SYTL3: variants seen among roughly 807,000 people sequenced by gnomAD.
The protein encoded by SYTL3 is synaptotagmin like 3.
Under a neutral mutation model 82.1 loss-of-function variants are expected in SYTL3, and 88 were observed. The ratio of observed to expected loss-of-function variants is 1.07; its 90% CI spans 0.90 to 1.28. The LOEUF (loss-of-function observed/expected upper bound fraction) is 1.28, where lower values mean the gene tolerates loss of function less well. Ranked by LOEUF, SYTL3 falls within the 50% of genes most tolerant of loss-of-function variation. SYTL3 has a pLI of 0.00. For missense variants in SYTL3, 831 were observed against 757.6 expected, an observed-to-expected ratio of 1.10 and a Z score of -1.14; for synonymous variants, 311 against 289.4, an observed-to-expected ratio of 1.07 and a Z score of -0.76.
At chr6:158,672,689 T>G (rs1777538293) in intron 5 of SYTL3, among the ~76,000 whole-genome samples, 1 of 151,938 alleles carries the variant, frequency 6.6e-6, no homozygotes, top group African/African-American at 2.4e-5. Flanking sequence ...TGGAGTGCAG[T>G]GGCACGATAT....
At chr6:158,733,067 TTAAAAAC>T (rs143259225) in intron 11 of SYTL3, among the ~76,000 whole-genome samples, 4,461 of 152,198 alleles carry the variant, frequency 0.029, 83 homozygotes, top group Middle Eastern at 0.065. Flanking sequence ...ATAATTTCTT[TTAAAAAC>T]TAACTTCCTT....
At chr6:158,689,816 G>A (rs1309366641) in intron 6 of SYTL3, among the ~76,000 whole-genome samples, 4 of 152,018 alleles carry the variant, frequency 2.6e-5, no homozygotes, top group Non-Finnish European at 5.9e-5. Flanking sequence ...ACCATGCTCA[G>A]CTGATTTTTG....
chr6:158,746,751 A>T (rs1289796709), intron 12 of SYTL3, among the ~76,000 whole-genome samples: 2 of 151,494 alleles, frequency 1.3e-5, no homozygotes, highest in African/African-American at 4.9e-5. Context: ...GGCATGAGCC[A>T]CCACACCCGG....
chr6:158,733,412 C>T lies in SYTL3; in HGVS notation c.855+7775C>T, dbSNP rs148593468. Among the ~76,000 whole-genome samples, 355 of 152,144 alleles carry T rather than the reference C, an allele frequency of 2.3e-3. 1 individual carries two copies. Among genetic ancestry groups the T allele is most frequent in the African/African-American group, 7.9e-3 (328 of 41,504 alleles). ...CCCAACCTCAGTTCACTGCAAGCTC[C>T]GCCTCCCAGGTTCACGCCATTCTTC... On this transcript the variant is annotated intron_variant, in intron 11 of 17. Transcript: ENST00000611299.
chr6:158,761,275 AAGG>A (rs1160005191), intron 15 of SYTL3, among the ~76,000 whole-genome samples: 11 of 148,496 alleles, frequency 7.4e-5, no homozygotes, highest in African/African-American at 2.7e-4. Context: ...GAGGGCGGGG[AAGG>A]AGGACTGGGA....
In SYTL3 at chr6:158,725,598, T is replaced by G. The variant is rs770157428; in HGVS notation, c.816T>G (p.Ser272Arg). The change falls in exon 11 of 18, where the codon AGT becomes AGG. Residue 272 changes from serine (S) to arginine (R), a missense_variant. Coordinates refer to ENST00000611299, the MANE Select transcript of SYTL3 (RefSeq NM_001242394.2). ...TGAAGCAACAGAATCTCCCATCCAG[T>G]CCGGCACCCAGTACCATATTCTCTG... ...PILKQQNLPS[S>R]PAPSTIFSGG... The G allele has an allele frequency of 3.1e-6, 5 of 1,614,208 alleles. No homozygotes were observed. In the Admixed American group the frequency reaches 8.3e-5, roughly 27 times the overall value.
intron 1 of SYTL3, among the ~76,000 whole-genome samples, chr6:158,651,328 C>A (rs1787986615): frequency 1.3e-5 from 2 of 152,160 alleles, no homozygotes; most frequent in Admixed American, 1.3e-4. Flanking sequence ...TGTGATGGCT[C>A]ACGCCTGTCA....
intron 12 of SYTL3, among the ~76,000 whole-genome samples, chr6:158,746,988 T>A (rs1787748492): frequency 6.6e-6 from 1 of 151,914 alleles, no homozygotes; most frequent in East Asian, 1.9e-4. Context: ...CTTAGGTTTA[T>A]TTTATTTTGT....
intron 5 of SYTL3, among the ~76,000 whole-genome samples, chr6:158,676,901 A>G (rs553538100): frequency 0.011 from 1,682 of 152,204 alleles, 17 homozygotes; most frequent in African/African-American, 0.029. Flanking sequence ...AAAAGTCAGG[A>G]AACAACAGGT....
At chr6:158,731,350 C>T (rs1785387485) in intron 11 of SYTL3, among the ~76,000 whole-genome samples, 2 of 151,756 alleles carry the variant, frequency 1.3e-5, no homozygotes, top group Admixed American at 6.6e-5. Flanking sequence ...ATTTCCAGCA[C>T]AACAGCACCA....
At chr6:158,655,180 G>A (rs187440527) in intron 2 of SYTL3, among the ~76,000 whole-genome samples, 2 of 152,316 alleles carry the variant, frequency 1.3e-5, no homozygotes, top group Admixed American at 1.3e-4. Context: ...CAATTTCAAA[G>A]ATTCCTGTTA....
At chr6:158,742,432 C>CA (rs1399443352) in intron 11 of SYTL3, among the ~76,000 whole-genome samples, 1 of 152,178 alleles carries the variant, frequency 6.6e-6, no homozygotes, top group African/African-American at 2.4e-5. Context: ...GGTCCATTTC[C>CA]AGATGACTCT....
At chr6:158,650,140 TG>T (rs1787806100) in intron 1 of SYTL3, 62 bp downstream of exon 1, 3 of 151,260 alleles carry the variant, frequency 2.0e-5, no homozygotes, top group African/African-American at 7.3e-5. Context: ...GGGAGTGGGG[TG>T]GGTAGAGATT....
chr6:158,700,958 T>A (rs1411421283), intron 6 of SYTL3, among the ~76,000 whole-genome samples: 2 of 152,190 alleles, frequency 1.3e-5, no homozygotes, highest in African/African-American at 4.8e-5. Flanking sequence ...CAAGCCCTCT[T>A]CTGGGTACCA....
intron 2 of SYTL3, among the ~76,000 whole-genome samples, chr6:158,656,003 A>G (rs1460945959): frequency 6.6e-6 from 1 of 152,162 alleles, no homozygotes; most frequent in Admixed American, 6.6e-5. Context: ...AGTGGCGAGC[A>G]TTCTGTGGGA....
chr6:158,700,224 C>G (rs1781028324), intron 6 of SYTL3, among the ~76,000 whole-genome samples: 1 of 152,090 alleles, frequency 6.6e-6, no homozygotes, highest in African/African-American at 2.4e-5. Context: ...CCATTGTACT[C>G]CAGCCTGGGC....
intron 14 of SYTL3, among the ~76,000 whole-genome samples, chr6:158,758,074 T>C (rs2128544243): frequency 6.6e-6 from 1 of 152,146 alleles, no homozygotes; most frequent in African/African-American, 2.4e-5. Context: ...TGTGTCCAGA[T>C]CCCGGACTGG....
At chr6:158,702,317 ACT>A (rs1781400177) in intron 6 of SYTL3, among the ~76,000 whole-genome samples, 1 of 134,406 alleles carries the variant, frequency 7.4e-6, no homozygotes, top group South Asian at 2.3e-4. Context: ...CAAGAGTGAG[ACT>A]CTGTCTCAAA....
chr6:158,726,604 G>A, intron 11 of SYTL3: 1 of 229,370 alleles, frequency 4.4e-6, no homozygotes, highest in South Asian at 8.5e-5. Context: ...AAGTCTTGGG[G>A]AGCCTCTGGA....
Sources: gnomAD v4.1 joint callset for allele counts (sites outside exome capture counted in the v4.1 genomes callset) on GRCh38, gnomAD v4.1.1 for gene constraint, MANE v1.5 for transcripts, NCBI Gene and HGNC (gene_info 2026-07-23, HGNC 2026-07-21) for gene names.